PTPRD: variants seen among roughly 807,000 people sequenced by gnomAD.
The protein encoded by PTPRD is receptor-type tyrosine-protein phosphatase delta.
A neutral mutation model predicts 214.5 loss-of-function variants in PTPRD; 34 were observed. The ratio of observed to expected loss-of-function variants is 0.16; its 90% CI spans 0.12 to 0.21. The LOEUF is 0.21. PTPRD is among the 10% of genes least tolerant of loss of function. The probability of loss-of-function intolerance (pLI) is 1.00; values close to 1 mark genes in which losing one functional copy is unlikely to be tolerated. For missense variants in PTPRD, 2,545 were observed against 2,398.7 expected, an observed-to-expected ratio of 1.06 and a Z score of -1.27; for synonymous variants, 1,128 against 845.7, an observed-to-expected ratio of 1.33 and a Z score of -5.79.
At chr9:10,352,838 T>C (rs1011954734) in intron 2 of PTPRD, among the ~76,000 whole-genome samples, 3 of 152,054 alleles carry the variant, frequency 2.0e-5, no homozygotes, top group Non-Finnish European at 4.4e-5. Context: ...GGATTTTATC[T>C]AGAGAAATCC....
At chr9:8,903,787 ACT>A (rs2098688981) in intron 11 of PTPRD, among the ~76,000 whole-genome samples, 19 of 151,476 alleles carry the variant, frequency 1.3e-4, no homozygotes, top group African/African-American at 4.2e-4. Context: ...TATTTAAAAG[ACT>A]ACTCTGTAAA....
At chr9:9,445,719 T>A (rs1300051248) in intron 8 of PTPRD, among the ~76,000 whole-genome samples, 1 of 152,112 alleles carries the variant, frequency 6.6e-6, no homozygotes, top group Non-Finnish European at 1.5e-5. Context: ...TTACCTCCCA[T>A]GATTCCCTCT....
intron 10 of PTPRD, among the ~76,000 whole-genome samples, chr9:9,028,159 A>C (rs2099593446): frequency 6.6e-6 from 1 of 151,980 alleles, no homozygotes; most frequent in Admixed American, 6.6e-5. Flanking sequence ...TCCCTTATCA[A>C]ATCACTTTTT....
At chr9:8,806,055 C>A (rs1355537279) in intron 11 of PTPRD, among the ~76,000 whole-genome samples, 4 of 150,514 alleles carry the variant, frequency 2.7e-5, no homozygotes, top group African/African-American at 9.7e-5. Flanking sequence ...TCCTGAGTAG[C>A]TGGGATTACA....
At chr9:8,836,715 G>A (rs1361949898) in intron 11 of PTPRD, among the ~76,000 whole-genome samples, 2 of 145,888 alleles carry the variant, frequency 1.4e-5, no homozygotes, top group African/African-American at 2.5e-5. Flanking sequence ...TCCTGCCTCA[G>A]CCTCCTGAGT....
intron 2 of PTPRD, among the ~76,000 whole-genome samples, chr9:10,401,990 A>G (rs1300808020): frequency 2.0e-5 from 3 of 151,550 alleles, no homozygotes; most frequent in African/African-American, 4.8e-5. Context: ...CTGGAATAAA[A>G]CACCCTATAA....
At chr9:10,443,383 A>G (rs1588282386) in intron 2 of PTPRD, among the ~76,000 whole-genome samples, 1 of 151,644 alleles carries the variant, frequency 6.6e-6, no homozygotes. Flanking sequence ...CATAGCCTGC[A>G]AGCCAGAGTC....
At chr9:8,929,855 ATGTGTATATACATG>A (rs2098937066) in intron 11 of PTPRD, among the ~76,000 whole-genome samples, 1 of 66,358 alleles carries the variant, frequency 1.5e-5, no homozygotes, top group African/African-American at 5.5e-5. Flanking sequence ...GTGTATATAT[ATGTGTATATACATG>A]TGTGTGTATA....
chr9:10,214,128 G>A (rs1442398362), intron 3 of PTPRD, among the ~76,000 whole-genome samples: 1 of 152,042 alleles, frequency 6.6e-6, no homozygotes, highest in African/African-American at 2.4e-5. Context: ...TTACTAGTAT[G>A]CTTTGCTTTA....
At chr9:9,016,338 G>T (rs1375823370) in intron 11 of PTPRD, among the ~76,000 whole-genome samples, 1 of 152,092 alleles carries the variant, frequency 6.6e-6, no homozygotes, top group Non-Finnish European at 1.5e-5. Context: ...ATGGGCTGTG[G>T]AACAAGTTCT....
chr9:9,066,484 T>A (rs2099734575), intron 10 of PTPRD, among the ~76,000 whole-genome samples: 1 of 152,160 alleles, frequency 6.6e-6, no homozygotes, highest in Non-Finnish European at 1.5e-5. Context: ...GCTAAAAAAA[T>A]GGTCTCCCAA....
At chr9:9,801,535 C>T (rs1038549703) in intron 5 of PTPRD, among the ~76,000 whole-genome samples, 1 of 151,844 alleles carries the variant, frequency 6.6e-6, no homozygotes, top group East Asian at 1.9e-4. Flanking sequence ...GCAAGTTTAC[C>T]AAGGTATATA....
intron 43 of PTPRD, among the ~76,000 whole-genome samples, chr9:8,337,466 G>A (rs554926102): frequency 1.3e-5 from 2 of 152,002 alleles, no homozygotes; most frequent in South Asian, 4.2e-4. Flanking sequence ...TGGAGTCTAG[G>A]GGAACGATAG....
intron 12 of PTPRD, chr9:8,713,337 G>T: frequency 1.1e-6 from 1 of 918,140 alleles, no homozygotes; most frequent in Non-Finnish European, 1.8e-6. Context: ...CACTAAGAGA[G>T]TACAAAGTAG....
chr9:9,169,751 C>G (rs62529518), intron 10 of PTPRD, among the ~76,000 whole-genome samples: 3 of 152,266 alleles, frequency 2.0e-5, no homozygotes, highest in Non-Finnish European at 4.4e-5. Context: ...AGGTTAAACA[C>G]ATTCTAAAAA....
At chr9:10,151,320 T>A (rs1564153771) in intron 3 of PTPRD, among the ~76,000 whole-genome samples, 1 of 135,520 alleles carries the variant, frequency 7.4e-6, no homozygotes, top group Non-Finnish European at 1.5e-5. Context: ...TAGAGTACAG[T>A]GGTGCGATCT....
rs35299908 is a variant in PTPRD at position 9,923,123 on chromosome 9, G to GGT, written c.-368+15382_-368+15383dup. Among the ~76,000 whole-genome samples the GGT allele has an allele frequency of 9.9e-3, 1,436 of 145,046 alleles. 11 individuals carry two copies. The highest frequency in any genetic ancestry group is 0.022 in the Middle Eastern group (6 of 278). On this transcript the variant is annotated intron_variant, in intron 5 of 45. Transcript: ENST00000381196. ...AAAAAAAAGGACTGTGTGTGTGGGG[G>GGT]GTGTGTGTGTGTGTGTGTGTGTGTG... is the stretch of plus-strand genomic sequence containing the variant.
intron 44 of PTPRD, among the ~76,000 whole-genome samples, chr9:8,330,782 C>CGTAAAGAACTATA (rs1482631050): frequency 6.6e-6 from 1 of 151,948 alleles, no homozygotes; most frequent in East Asian, 1.9e-4. Flanking sequence ...CCTTCTATGT[C>CGTAAAGAACTATA]GTAAAGAACT....
chr9:10,207,086 T>G (rs748411939), intron 3 of PTPRD, among the ~76,000 whole-genome samples: 2 of 152,160 alleles, frequency 1.3e-5, no homozygotes, highest in African/African-American at 2.4e-5. Context: ...TCTATATGTG[T>G]ATAATTATCA....
Sources: gnomAD v4.1 joint callset for allele counts (sites outside exome capture counted in the v4.1 genomes callset) on GRCh38, gnomAD v4.1.1 for gene constraint, MANE v1.5 for transcripts, NCBI Gene and HGNC (gene_info 2026-07-23, HGNC 2026-07-21) for gene names.